ATP2B4: variants seen among roughly 807,000 people sequenced by gnomAD.
ATP2B4 encodes plasma membrane calcium-transporting ATPase 4.
Under a neutral mutation model 110.3 loss-of-function variants are expected in ATP2B4, and 39 were observed. The ratio of observed to expected loss-of-function variants is 0.35; its 90% confidence interval spans 0.27 to 0.46. The LOEUF is 0.46. ATP2B4 is among the 20% of genes least tolerant of loss of function. The pLI is 1.00. For synonymous variants in ATP2B4, 538 were observed against 571.7 expected (o/e 0.94, Z 0.84); for missense variants, 1,135 against 1,530.9 (o/e 0.74, Z 4.32).
rs1667037398 is a variant in ATP2B4 at position 203,743,722 on chromosome 1, T to G, written c.*3868T>G. 6.6e-6 allele frequency: 1 copy of G among 152,610 alleles called. No homozygotes were observed. Among genetic ancestry groups the G allele is most frequent in the South Asian group, 2.1e-4 (1 of 4,834 alleles). The allele number at this position is 152,610 out of a possible 1,614,324, so 9.5% of individuals were successfully genotyped here. On this transcript the variant is annotated 3_prime_UTR_variant, in exon 21 of 21. Coordinates refer to ENST00000357681, the MANE Select transcript of ATP2B4 (RefSeq NM_001684.5). ...TTGTACAAAAAAGAAAAACAAAAGA[T>G]TGACTATTGTGGTCTGCATGACATA...
chr1:203,689,768 A>G (rs1036865446), intron 2 of ATP2B4, among the ~76,000 whole-genome samples: 3 of 152,260 alleles, frequency 2.0e-5, no homozygotes, highest in Non-Finnish European at 4.4e-5. Flanking sequence ...ATGCATATGA[A>G]TGAAGGCAAT....
In ATP2B4 at chr1:203,721,346, G is replaced by A. The variant is rs986460943; in HGVS notation, c.2748G>A (p.Met916Ile). The A allele has an allele frequency of 6.2e-7, 1 of 1,614,186 alleles. No individual in the cohort carries two copies. The highest frequency in any genetic ancestry group is 8.5e-7 in the Non-Finnish European group (1 of 1,180,032). ...ATAAGCCTCTGATCTCACGCACTAT[G>A]ATGAAGAACATCTTGGGCCATGCAT... ...GRNKPLISRT[M>I]MKNILGHAFY... is the part of the protein sequence containing the mutation. The change falls in exon 17 of 21, where the codon ATG becomes ATA. Residue 916 changes from methionine (M) to isoleucine (I), a missense_variant. Met to Ile is a conservative substitution (Grantham distance 10). This residue lies in a region of ATP2B4 where 155 missense variants were observed against 186.2 expected (regional missense o/e 0.83). Transcript: ENST00000357681.
rs1216985506 is a variant in ATP2B4, at chr1:203,701,983, T to C, written c.902-61T>C. The stretch of plus-strand genomic sequence containing the variant: ...CTGGGCTCTGAGCAGGACCAACAAA[T>C]TGGATCTCTTAATAGTTACTTTGGG... On this transcript the variant is annotated intron_variant, in intron 6 of 20. Coordinates refer to ENST00000357681, the MANE Select transcript of ATP2B4 (RefSeq NM_001684.5). The C allele has an allele frequency of 5.8e-5, 92 of 1,595,412 alleles. No individual in the cohort carries two copies. In the South Asian group the frequency reaches 6.7e-4, roughly 12 times the overall value.
intron 2 of ATP2B4, among the ~76,000 whole-genome samples, chr1:203,694,798 A>G (rs1206525193): frequency 1.3e-5 from 2 of 152,302 alleles, no homozygotes; most frequent in East Asian, 1.9e-4. Context: ...GGTGGAGGCA[A>G]GGAGACCAGT....
At chr1:203,653,204 T>C (rs114763303) in intron 1 of ATP2B4, among the ~76,000 whole-genome samples, 1,725 of 152,318 alleles carry the variant, frequency 0.011, 30 homozygotes, top group African/African-American at 0.039. Flanking sequence ...TTCCCTTAAG[T>C]TGAATCCTAA....
intron 2 of ATP2B4, among the ~76,000 whole-genome samples, chr1:203,685,051 A>G (rs1665139751): frequency 6.6e-6 from 1 of 151,684 alleles, no homozygotes. Context: ...GAGTTTCACC[A>G]TTTTGACCAC....
chr1:203,646,756 C>T (rs1445884640), intron 1 of ATP2B4, among the ~76,000 whole-genome samples: 1 of 151,902 alleles, frequency 6.6e-6, no homozygotes, highest in Non-Finnish European at 1.5e-5. Context: ...AGCGAGACTC[C>T]ATCTCAAAAA....
At chr1:203,687,656 A>AT (rs938229629) in intron 2 of ATP2B4, among the ~76,000 whole-genome samples, 1 of 151,954 alleles carries the variant, frequency 6.6e-6, no homozygotes, top group Non-Finnish European at 1.5e-5. Context: ...GATTGACAGA[A>AT]TTTTTTTTTA....
chr1:203,710,836 T>C, intron 11 of ATP2B4, 41 bp from the exon 12 acceptor site: 1 of 1,451,002 alleles, frequency 6.9e-7, no homozygotes. Flanking sequence ...ACGTATTGAG[T>C]GGGAAGGGAG....
rs1553245083 is a variant in ATP2B4, at chr1:203,660,097, A to AAAAG, written c.-464-22625_-464-22622dup. 2.5e-3 allele frequency among the ~76,000 whole-genome samples: 299 copies of AAAAG among 120,282 alleles called. 14 individuals are homozygous for AAAAG. The highest frequency in any genetic ancestry group is 3.4e-3 in the East Asian group (14 of 4,170). 78.9% of individuals were successfully genotyped at this position (120,282 alleles called of 152,430 possible). On this transcript the variant is annotated intron_variant, in intron 1 of 20. Coordinates refer to ENST00000357681, the MANE Select transcript of ATP2B4 (RefSeq NM_001684.5). ...ACTCCATCTCAAAAAAAAAAAAAAA[A>AAAAG]AAAGAAAGAAAGAAAGAAAGAAACT...
chr1:203,650,765 C>A (rs1400691778), intron 1 of ATP2B4, among the ~76,000 whole-genome samples: 2 of 152,262 alleles, frequency 1.3e-5, no homozygotes, highest in Non-Finnish European at 2.9e-5. Flanking sequence ...AGCTTCCAGG[C>A]CTCCTGTCCC....
chr1:203,688,033 TATTA>T (rs1665254666), intron 2 of ATP2B4, among the ~76,000 whole-genome samples: 1 of 146,784 alleles, frequency 6.8e-6, no homozygotes, highest in African/African-American at 2.5e-5. Context: ...TTATTATTAT[TATTA>T]TTTTGGGATG....
intron 1 of ATP2B4, among the ~76,000 whole-genome samples, chr1:203,679,652 A>AG (rs111735758): frequency 1.3e-5 from 2 of 152,054 alleles, no homozygotes; most frequent in Non-Finnish European, 2.9e-5. Flanking sequence ...TGGGAGGCCG[A>AG]GGGGGGTGGA....
chr1:203,707,719 CTGCACCCAGTCAG>C, intron 9 of ATP2B4, 130 bp from the exon 10 acceptor site: 1 of 1,177,304 alleles, frequency 8.5e-7, no homozygotes, highest in Non-Finnish European at 1.2e-6. Flanking sequence ...GCATGAATCA[CTGCACCCAGTCAG>C]TATCTTGGAT....
rs1558046585 is a variant in ATP2B4 at position 203,712,122 on chromosome 1, CGCAACGA to C, written c.2196_2202del (p.Asn733LysfsTer4). ...AGGCAAAGAATTCAACCGGCTCATC[CGCAACGA>C]GAAAGGCGAGGTGGGTCCTGGCTAG... On this transcript the variant is annotated frameshift_variant, in exon 13 of 21. Coordinates refer to ENST00000357681, the MANE Select transcript of ATP2B4 (RefSeq NM_001684.5). LOFTEE classifies it high-confidence loss of function. 1 of 1,613,926 alleles carries C rather than the reference CGCAACGA, an allele frequency of 6.2e-7. No individual in the cohort carries two copies. Among genetic ancestry groups the C allele is most frequent in the Non-Finnish European group, 8.5e-7 (1 of 1,179,922 alleles).
intron 15 of ATP2B4, among the ~76,000 whole-genome samples, chr1:203,718,417 G>A (rs1340224999): frequency 6.6e-6 from 1 of 152,084 alleles, no homozygotes; most frequent in African/African-American, 2.4e-5. Flanking sequence ...TCCTGCTTCA[G>A]CGTCCTGAGT....
At chr1:203,685,024 T>C (rs1289893031) in intron 2 of ATP2B4, among the ~76,000 whole-genome samples, 1 of 152,072 alleles carries the variant, frequency 6.6e-6, no homozygotes, top group Non-Finnish European at 1.5e-5. Flanking sequence ...GCTAATTTTG[T>C]ATTTTTAGTA....
intron 1 of ATP2B4, among the ~76,000 whole-genome samples, chr1:203,662,116 G>A (rs1278897430): frequency 4.6e-5 from 7 of 151,272 alleles, no homozygotes; most frequent in Admixed American, 6.6e-5. Context: ...CTCTGCCTCC[G>A]GGTTTCACAC....
intron 18 of ATP2B4, among the ~76,000 whole-genome samples, chr1:203,723,129 A>C (rs1666385776): frequency 6.6e-6 from 1 of 152,124 alleles, no homozygotes; most frequent in South Asian, 2.1e-4. Context: ...AAGAAAGAGA[A>C]GTAATGGGAT....
Sources: allele counts gnomAD v4.1 joint callset (sites outside exome capture counted in the v4.1 genomes callset), GRCh38; gene constraint gnomAD v4.1.1; regional missense constraint gnomAD v4.1.1; transcripts MANE v1.5; gene names NCBI Gene and HGNC (gene_info 2026-07-23, HGNC 2026-07-21).